Variants in HDAC9 observed in about 807,000 individuals in gnomAD.
HDAC9 encodes MEF-2 interacting transcription repressor (MITR) protein.
A neutral mutation model predicts 139.4 loss-of-function variants in HDAC9; 41 were observed. That is an observed-to-expected ratio of 0.29 (90% CI 0.23 to 0.38). The LOEUF is 0.38. HDAC9 is among the 10% of genes least tolerant of loss of function. The pLI, the probability that HDAC9 is intolerant of heterozygous loss-of-function variation, is 1.00. For missense variants in HDAC9, 1,147 were observed against 1,297.0 expected, an observed-to-expected ratio of 0.88 and a Z score of 1.78; for synonymous variants, 517 against 476.2, an observed-to-expected ratio of 1.09 and a Z score of -1.12.
chr7:18,090,478 A>C (rs903064690), intron 1 of HDAC9, among the ~76,000 whole-genome samples: 3 of 152,186 alleles, frequency 2.0e-5, no homozygotes, highest in Non-Finnish European at 4.4e-5. Context: ...CTTGCAATCA[A>C]TCCATAGTCC....
chr7:18,554,272 GA>G (rs538651140), intron 2 of HDAC9, among the ~76,000 whole-genome samples: 6 of 142,212 alleles, frequency 4.2e-5, no homozygotes, highest in South Asian at 2.2e-4. Flanking sequence ...GAAAAGACAG[GA>G]AAAAAAAAGG....
At chr7:18,277,930 C>T (rs984042613) in intron 2 of HDAC9, among the ~76,000 whole-genome samples, 4 of 152,126 alleles carry the variant, frequency 2.6e-5, no homozygotes, top group Admixed American at 6.6e-5. Flanking sequence ...AACTTGTTAT[C>T]GTTTAGCTTT....
intron 2 of HDAC9, among the ~76,000 whole-genome samples, chr7:18,272,916 A>ACTG (rs1796447971): frequency 1.7e-4 from 1 of 5,834 alleles, no homozygotes; most frequent in African/African-American, 3.0e-4. Flanking sequence ...GACTACTGCT[A>ACTG]CTACTACTAC....
At chr7:18,484,854 A>G (rs1342154767) in intron 1 of HDAC9, among the ~76,000 whole-genome samples, 2 of 80,560 alleles carry the variant, frequency 2.5e-5, no homozygotes, top group Non-Finnish European at 6.9e-5. Context: ...CCCCACCTGT[A>G]AAAAAAAAAA....
chr7:18,479,539 A>G (rs1233549555), intron 1 of HDAC9, among the ~76,000 whole-genome samples: 1 of 152,192 alleles, frequency 6.6e-6, no homozygotes, highest in Non-Finnish European at 1.5e-5. Context: ...TGTATAGCTT[A>G]ACAAATAACT....
At chr7:18,169,973 T>C (rs1584438699) in intron 2 of HDAC9, among the ~76,000 whole-genome samples, 1 of 152,164 alleles carries the variant, frequency 6.6e-6, no homozygotes, top group African/African-American at 2.4e-5. Flanking sequence ...GGGTATATAC[T>C]CAGTAATGGG....
chr7:18,440,279 G>A (rs1204523306), intron 1 of HDAC9, among the ~76,000 whole-genome samples: 1 of 151,204 alleles, frequency 6.6e-6, no homozygotes, highest in Non-Finnish European at 1.5e-5. Context: ...CCGCCTCCCA[G>A]GTTAAAGTTA....
chr7:18,168,448 C>T (rs1788149554), intron 2 of HDAC9, among the ~76,000 whole-genome samples: 1 of 152,160 alleles, frequency 6.6e-6, no homozygotes, highest in Non-Finnish European at 1.5e-5. Context: ...AATCTTGCTA[C>T]CTCTGCAAAT....
chr7:18,892,351 TAAAC>T (rs954845648), intron 22 of HDAC9: 1 of 152,156 alleles, frequency 6.6e-6, no homozygotes, highest in Non-Finnish European at 1.5e-5. Flanking sequence ...TGCTATAAGA[TAAAC>T]AATATCAACA....
Position 18,874,493 on chromosome 7 carries a change from T to G in HDAC9, c.2700T>G (p.Pro900=), listed in dbSNP as rs1799172274. The G allele has an allele frequency of 6.3e-7, 1 of 1,585,888 alleles. No individual in the cohort carries two copies. Among genetic ancestry groups the G allele is most frequent in the South Asian group, 1.2e-5 (1 of 86,928 alleles). The change falls in exon 22 of 26, where the codon CCT becomes CCG. Residue 900 remains proline (P), a synonymous_variant. Transcript: ENST00000686413. ...TACTGTGCAGGACCATCGTGAAGCC[T>G]GTGGCCAAAGAGTTTGATCCAGACA... ...YLEAFRTIVK[P]VAKEFDPDMV... is the part of the protein sequence containing the mutation.
chr7:18,935,476 T>C (rs1781565697), intron 22 of HDAC9, among the ~76,000 whole-genome samples: 1 of 152,150 alleles, frequency 6.6e-6, no homozygotes, highest in African/African-American at 2.4e-5. Flanking sequence ...GAGTTTACCT[T>C]GTTAACACCT....
chr7:18,707,854 A>AGTGTGTGTGTGTGT lies in HDAC9; in HGVS notation c.1732-19717_1732-19704dup, dbSNP rs61496259. ...GAAGGGAACACAGGGAGGGGAAAGG[A>AGTGTGTGTGTGTGT]GTGTGTGTGTGTGTGTGTGTGTATG... On this transcript the variant is annotated intron_variant, in intron 12 of 25. Coordinates refer to ENST00000686413, the MANE Select transcript of HDAC9 (RefSeq NM_178425.4). Among the ~76,000 whole-genome samples the AGTGTGTGTGTGTGT allele has an allele frequency of 6.6e-3, 987 of 149,656 alleles. 6 individuals are homozygous for AGTGTGTGTGTGTGT. Among genetic ancestry groups the AGTGTGTGTGTGTGT allele is most frequent in the Non-Finnish European group, 9.1e-3 (611 of 67,186 alleles).
intron 1 of HDAC9, among the ~76,000 whole-genome samples, chr7:18,442,954 G>A (rs972775095): frequency 6.6e-6 from 1 of 152,172 alleles, no homozygotes; most frequent in African/African-American, 2.4e-5. Flanking sequence ...GATGGCCTAG[G>A]CATCCAGGCT....
At chr7:18,886,155 G>A (rs974541045) in intron 22 of HDAC9, among the ~76,000 whole-genome samples, 2 of 151,640 alleles carry the variant, frequency 1.3e-5, no homozygotes, top group African/African-American at 4.9e-5. Context: ...AGTGCTCCAT[G>A]TTCGCTCTTA....
At chr7:18,540,732 T>C (rs1361354855) in intron 2 of HDAC9, among the ~76,000 whole-genome samples, 3 of 152,246 alleles carry the variant, frequency 2.0e-5, no homozygotes, top group Non-Finnish European at 4.4e-5. Context: ...TGCAGAGTTT[T>C]CTTGTCTGTA....
intron 1 of HDAC9, among the ~76,000 whole-genome samples, chr7:18,303,423 G>GTT (rs1396093811): frequency 2.7e-5 from 3 of 110,874 alleles, no homozygotes; most frequent in Non-Finnish European, 4.9e-5. Context: ...GTGTGTGTGT[G>GTT]TTTTTAGTAG....
chr7:18,311,923 GA>G (rs1202381363), intron 1 of HDAC9, among the ~76,000 whole-genome samples: 1 of 152,182 alleles, frequency 6.6e-6, no homozygotes, highest in Non-Finnish European at 1.5e-5. Flanking sequence ...ACTGTGGGGG[GA>G]AATGGCTTTT....
At chr7:18,755,628 G>T (rs1788808223) in intron 14 of HDAC9, among the ~76,000 whole-genome samples, 1 of 152,052 alleles carries the variant, frequency 6.6e-6, no homozygotes. Flanking sequence ...TGTGAAAATT[G>T]AGCAGTTAGA....
At chr7:18,471,099 G>A (rs980853080) in intron 1 of HDAC9, among the ~76,000 whole-genome samples, 7 of 151,790 alleles carry the variant, frequency 4.6e-5, no homozygotes, top group South Asian at 2.1e-4. Context: ...AAATATGAAG[G>A]GTAAGTTTCT....
Sources: gnomAD v4.1 joint callset for allele counts (sites outside exome capture counted in the v4.1 genomes callset) on GRCh38, gnomAD v4.1.1 for gene constraint, MANE v1.5 for transcripts, NCBI Gene and HGNC (gene_info 2026-07-23, HGNC 2026-07-21) for gene names.